The following RASA4B variants were observed in gnomAD, a reference collection of about 807,000 sequenced individuals.
RASA4B encodes ras GTPase-activating protein 4B.
A neutral mutation model predicts 24.2 loss-of-function variants in RASA4B; 2 were observed. The observed-to-expected ratio is 0.08, with a 90% CI of 0.03 to 0.26. The LOEUF is 0.26. RASA4B is among the 10% of genes least tolerant of loss of function. RASA4B has a pLI of 1.00. For synonymous variants in RASA4B, 2 were observed against 125.6 expected (o/e 0.02, Z 6.58); for missense variants, 8 against 277.2 (o/e 0.03, Z 6.90).
chr7:102,484,718 G>A (rs1290811137), intron 19 of RASA4B, among the ~76,000 whole-genome samples: 1 of 147,266 alleles, frequency 6.8e-6, no homozygotes, highest in Admixed American at 7.1e-5. Context: ...CTAAGCTTCT[G>A]CCAAGGCTGA....
At chr7:102,500,403 C>T (rs1586775499) in intron 8 of RASA4B, among the ~76,000 whole-genome samples, 5 of 126,784 alleles carry the variant, frequency 3.9e-5, no homozygotes, top group South Asian at 5.8e-4. Flanking sequence ...ACCCGGGAGG[C>T]GGAGCCTGCA....
rs1442646674 is a variant in RASA4B, at chr7:102,480,345, G to T, written c.*3247C>A. 4.7e-4 allele frequency among the ~76,000 whole-genome samples: 72 copies of T among 151,766 alleles called. No homozygotes were observed. The highest frequency in any genetic ancestry group is 1.5e-5 in the Non-Finnish European group (1 of 67,920). On this transcript the variant is annotated 3_prime_UTR_variant, in exon 21 of 21. Transcript: ENST00000465829. Reference sequence around the variant, plus strand: ...CTGCTCAGGGGGTTGGCAGAAGCCAGCAAGGCTTGGGGTTTCCCTGTTTGG... The same window carrying T: ...CTGCTCAGGGGGTTGGCAGAAGCCATCAAGGCTTGGGGTTTCCCTGTTTGG...
At chr7:102,498,398 A>G (rs1799242167) in intron 8 of RASA4B, among the ~76,000 whole-genome samples, 1 of 133,462 alleles carries the variant, frequency 7.5e-6, no homozygotes, top group Non-Finnish European at 1.6e-5. Flanking sequence ...AGTAGCTGAG[A>G]TTAGAGGTGC....
rs1244105374 is a variant in RASA4B at position 102,480,257 on chromosome 7, A to C, written c.*3335T>G. Among the ~76,000 whole-genome samples the C allele has an allele frequency of 1.3e-5, 2 of 152,174 alleles. No homozygotes were observed. The highest frequency in any genetic ancestry group is 4.8e-5 in the African/African-American group (2 of 41,454). ...ACACCCGCTACTTAGCAGACCAGGA[A>C]AGGGAGTGTACAGTGAGATCAGGAT... On this transcript the variant is annotated 3_prime_UTR_variant, in exon 21 of 21. Transcript: ENST00000465829.
intron 19 of RASA4B, among the ~76,000 whole-genome samples, chr7:102,484,768 A>G (rs1490266373): frequency 2.7e-5 from 4 of 149,560 alleles, no homozygotes; most frequent in South Asian, 4.3e-4. Context: ...GAACTCAGGG[A>G]ATTGGCTGAG....
Position 102,480,312 on chromosome 7 carries a change from C to G in RASA4B, c.*3280G>C, listed in dbSNP as rs913649959. Among the ~76,000 whole-genome samples the G allele has an allele frequency of 3.3e-5, 5 of 151,836 alleles. No homozygotes were observed. The highest frequency in any genetic ancestry group is 1.2e-4 in the African/African-American group (5 of 41,384). Reference sequence around the variant, plus strand: ...GTGGTGAGGTGGTGATCAGGGGGACCCATGCTTCTGCTCAGGGGGTTGGCA... The same window carrying G: ...GTGGTGAGGTGGTGATCAGGGGGACGCATGCTTCTGCTCAGGGGGTTGGCA... On this transcript the variant is annotated 3_prime_UTR_variant, in exon 21 of 21. Transcript: ENST00000465829.
At chr7:102,513,365 C>CCGAATGAACAGA (rs1418853740) in intron 1 of RASA4B, among the ~76,000 whole-genome samples, 1 of 144,506 alleles carries the variant, frequency 6.9e-6, no homozygotes. Context: ...TGAGTGTTTG[C>CCGAATGAACAGA]CGAATGAACA....
chr7:102,498,555 G>A (rs571310303), intron 8 of RASA4B, among the ~76,000 whole-genome samples: 2 of 140,744 alleles, frequency 1.4e-5, no homozygotes, highest in Admixed American at 7.3e-5. Flanking sequence ...CACCGCACCC[G>A]GCTGTTTTCT....
chr7:102,497,080 C>T lies in RASA4B; in HGVS notation c.738-116G>A, dbSNP rs1165295365. On this transcript the variant is annotated intron_variant, in intron 8 of 20. Transcript: ENST00000465829. ...CCGGCTTCCCATCTCTCTGCTCATG[C>T]CCTCCATTCGGGTGCCCTGCATAGC... 21 of 1,219,044 alleles carry T rather than the reference C, an allele frequency of 1.7e-5. 1 individual carries two copies. The highest frequency in any genetic ancestry group is 1.6e-4 in the South Asian group (12 of 77,214). 75.5% of individuals were successfully genotyped at this position (1,219,044 alleles called of 1,614,324 possible). A position where few individuals can be genotyped will look rare whatever the true frequency, so the allele number is the denominator to read the frequency against.
chr7:102,487,292 T>A (rs552854419), intron 18 of RASA4B, among the ~76,000 whole-genome samples: 1 of 89,758 alleles, frequency 1.1e-5, no homozygotes, highest in South Asian at 3.8e-4. Context: ...CAAGACCCTG[T>A]TTTAAAAAAT....
rs1554581890 is a variant in RASA4B, at chr7:102,481,234, TA to T, written c.*2357del. ...TTTCCCTTTTTTTTTTTTTTTTTTT[TA>T]ATTTTAGGGACTAGGTTTTGCTATG... On this transcript the variant is annotated 3_prime_UTR_variant, in exon 21 of 21. Transcript: ENST00000465829. 7.1e-5 allele frequency among the ~76,000 whole-genome samples: 4 copies of T among 56,574 alleles called. No individual in the cohort carries two copies. The highest frequency in any genetic ancestry group is 4.8e-4 in the East Asian group (1 of 2,096). The allele number at this position is 56,574 out of a possible 152,430, so 37.1% of individuals were successfully genotyped here.
chr7:102,498,530 A>AT (rs1322012861), intron 8 of RASA4B, among the ~76,000 whole-genome samples: 3 of 143,584 alleles, frequency 2.1e-5, no homozygotes, highest in Non-Finnish European at 4.6e-5. Flanking sequence ...AAGTGCTGAG[A>AT]TTACAGGCAT....
At position 102,481,502 on chromosome 7, in the gene RASA4B, TAAA is replaced by T. The variant is rs1798607312; in HGVS notation, c.*2087_*2089del. Among the ~76,000 whole-genome samples the T allele has an allele frequency of 8.6e-6, 1 of 116,730 alleles. No homozygotes were observed. Among genetic ancestry groups the T allele is most frequent in the Non-Finnish European group, 1.9e-5 (1 of 52,578 alleles). The allele number at this position is 116,730 out of a possible 152,430, so 76.6% of individuals were successfully genotyped here. A position where few individuals can be genotyped will look rare whatever the true frequency, so the allele number is the denominator to read the frequency against. On this transcript the variant is annotated 3_prime_UTR_variant, in exon 21 of 21. Coordinates refer to ENST00000465829, the MANE Select transcript of RASA4B (RefSeq NM_001367767.2). ...CAACATGGAGAAACTCCGTCTCTACTAAAAATACAAGAATTAGCTGGGCATGGT... is the reference window on the plus strand; with the variant it reads ...CAACATGGAGAAACTCCGTCTCTACTAATACAAGAATTAGCTGGGCATGGT...
intron 4 of RASA4B, among the ~76,000 whole-genome samples, chr7:102,507,897 GGT>G (rs1378718786): frequency 4.9e-5 from 7 of 143,318 alleles, no homozygotes; most frequent in African/African-American, 1.0e-4. Flanking sequence ...GACAGGAGCA[GGT>G]GTGTGTGGGG....
At chr7:102,513,081 C>CCCTTACTCTCCCTG (rs1799760009) in intron 1 of RASA4B, among the ~76,000 whole-genome samples, 1 of 152,072 alleles carries the variant, frequency 6.6e-6, no homozygotes, top group Non-Finnish European at 1.5e-5. Context: ...ACACCAAAGT[C>CCCTTACTCTCCCTG]GAGCCCCTTA....
chr7:102,513,198 A>C (rs1233564877), intron 1 of RASA4B, among the ~76,000 whole-genome samples: 1 of 141,044 alleles, frequency 7.1e-6, no homozygotes, highest in Non-Finnish European at 1.6e-5. Flanking sequence ...CCAGGACGGG[A>C]CGGGGAGGAA....
chr7:102,511,506 G>A (rs1315732382), intron 2 of RASA4B, among the ~76,000 whole-genome samples: 2 of 116,400 alleles, frequency 1.7e-5, no homozygotes, highest in African/African-American at 6.2e-5. Context: ...TACTAGGCAT[G>A]TGACCTTGGC....
intron 1 of RASA4B, among the ~76,000 whole-genome samples, chr7:102,512,496 A>C (rs371084346): frequency 0.24 from 769 of 3,172 alleles, 7 homozygotes; most frequent in Middle Eastern, 0.5. Flanking sequence ...GAGAGGGAGG[A>C]GAGTAAGAGG....
chr7:102,493,724 C>T (rs1186333399), intron 15 of RASA4B, 101 bp downstream of exon 15: 1 of 229,128 alleles, frequency 4.4e-6, no homozygotes, highest in African/African-American at 2.1e-5. Context: ...GTGGGTGGGG[C>T]CACGAGAGGA....
Sources: allele counts gnomAD v4.1 joint callset (sites outside exome capture counted in the v4.1 genomes callset), GRCh38; gene constraint gnomAD v4.1.1; transcripts MANE v1.5; gene names NCBI Gene and HGNC (gene_info 2026-07-23, HGNC 2026-07-21).